Variants in CPAP observed in about 807,000 individuals in gnomAD.
The protein encoded by CPAP is centrosome assembly and centriole elongation protein, also known as centrosomal P4.1-associated protein.
chr13:24,895,866 C>T, the CPAP span, among the ~76,000 whole-genome samples: 15 of 152,232 alleles, frequency 9.9e-5, no homozygotes, highest in South Asian at 2.7e-3. Context: ...CTCATCAATT[C>T]CTCAATGATT....
At chr13:24,886,858 A>G in the CPAP span, among the ~76,000 whole-genome samples, 10 of 152,214 alleles carry the variant, frequency 6.6e-5, no homozygotes, top group Middle Eastern at 3.2e-3. Context: ...CAAACCCACT[A>G]TATATCAAGT....
chr13:24,894,947 C>A, the CPAP span, among the ~76,000 whole-genome samples: 2 of 152,016 alleles, frequency 1.3e-5, no homozygotes, highest in Non-Finnish European at 2.9e-5. Flanking sequence ...AAACGACCTG[C>A]GGGGTGAAGC....
the CPAP span, among the ~76,000 whole-genome samples, chr13:24,916,613 C>T: frequency 2.0e-5 from 3 of 152,192 alleles, no homozygotes; most frequent in Non-Finnish European, 4.4e-5. Context: ...CTTGAAGAAA[C>T]TCTTTTGTGA....
At chr13:24,885,125 T>G in the CPAP span, 2 of 642,916 alleles carry the variant, frequency 3.1e-6, no homozygotes, top group South Asian at 3.7e-5. Flanking sequence ...ATACAGAGAT[T>G]GTATGCCGCC....
the CPAP span, chr13:24,899,323 C>A: frequency 2.9e-6 from 2 of 685,788 alleles, no homozygotes; most frequent in Non-Finnish European, 5.0e-6. Context: ...TGGATTGATA[C>A]ACAGTTTTGC....
the CPAP span, among the ~76,000 whole-genome samples, chr13:24,916,694 A>G: frequency 6.6e-6 from 1 of 152,254 alleles, no homozygotes; most frequent in Non-Finnish European, 1.5e-5. Context: ...CCAACTGTAA[A>G]TGCAGAGGAA....
At chr13:24,918,948 C>CA in the CPAP span, among the ~76,000 whole-genome samples, 2 of 147,134 alleles carry the variant, frequency 1.4e-5, no homozygotes, top group African/African-American at 5.0e-5. Flanking sequence ...AAATAGCCAA[C>CA]AAAAAAAAAG....
the CPAP span, among the ~76,000 whole-genome samples, chr13:24,900,363 G>A: frequency 1.3e-5 from 2 of 152,172 alleles, no homozygotes; most frequent in South Asian, 2.1e-4. Flanking sequence ...GGCCAGGCAC[G>A]GTGGCTCACT....
the CPAP span, among the ~76,000 whole-genome samples, chr13:24,933,977 C>T: frequency 3.3e-5 from 5 of 152,154 alleles, no homozygotes; most frequent in Non-Finnish European, 5.9e-5. Flanking sequence ...CCGCCTGTCT[C>T]GGCCTCCCAA....
chr13:24,895,142 C>A, the CPAP span, among the ~76,000 whole-genome samples: 1 of 152,240 alleles, frequency 6.6e-6, no homozygotes, highest in Non-Finnish European at 1.5e-5. Flanking sequence ...GAAGCCAGGG[C>A]AGGGAAGGCC....
chr13:24,906,869 G>A, the CPAP span: 1 of 1,614,162 alleles, frequency 6.2e-7, no homozygotes. Flanking sequence ...TTGAAACTTA[G>A]ATTTGGCATT....
the CPAP span, chr13:24,906,764 G>A: frequency 1.9e-6 from 3 of 1,614,138 alleles, no homozygotes; most frequent in Non-Finnish European, 2.5e-6. Context: ...ATTTTTAAGA[G>A]CGGTTTTCCG....
chr13:24,905,564 C>T, the CPAP span: 11 of 1,614,064 alleles, frequency 6.8e-6, no homozygotes, highest in African/African-American at 1.1e-4. Flanking sequence ...ATTAGGGTAG[C>T]ATGTCTGCGG....
the CPAP span, chr13:24,883,408 A>AT: frequency 6.9e-7 from 1 of 1,452,876 alleles, no homozygotes. Context: ...TTAAAAAAAA[A>AT]ATAATAGAAA....
chr13:24,884,518 C>T, the CPAP span: 3 of 1,552,216 alleles, frequency 1.9e-6, no homozygotes, highest in Non-Finnish European at 2.7e-6. Context: ...GAAAGTATGG[C>T]TAATTCTCCT....
chr13:24,884,391 C>T, the CPAP span: 16 of 1,613,964 alleles, frequency 9.9e-6, no homozygotes, highest in East Asian at 1.1e-4. Flanking sequence ...GTCTTCCCAT[C>T]TGCACTCACT....
the CPAP span, chr13:24,882,693 T>TAATA: frequency 1.9e-5 from 3 of 158,654 alleles, no homozygotes; most frequent in African/African-American, 7.2e-5. Flanking sequence ...CATTCTGTTA[T>TAATA]AATAATTAAT....
At chr13:24,884,192 C>T in the CPAP span, 1 of 1,614,176 alleles carries the variant, frequency 6.2e-7, no homozygotes, top group African/African-American at 1.3e-5. Context: ...GTAAGACTTC[C>T]AGTCCCTCCG....
the CPAP span, chr13:24,906,910 T>G: frequency 6.2e-7 from 1 of 1,614,088 alleles, no homozygotes; most frequent in Non-Finnish European, 8.5e-7. Flanking sequence ...CTCCTCGTTT[T>G]AAAAATGGTT....
Sources: allele counts gnomAD v4.1 joint callset (sites outside exome capture counted in the v4.1 genomes callset), GRCh38; gene constraint gnomAD v4.1.1; transcripts MANE v1.5; gene names NCBI Gene and HGNC (gene_info 2026-07-23, HGNC 2026-07-21).